NAV2: variants seen among roughly 807,000 people sequenced by gnomAD.
The protein encoded by NAV2 is neuron navigator 2, also known as helicase, APC down-regulated 1.
Under a neutral mutation model 223.2 loss-of-function variants are expected in NAV2, and 54 were observed. The observed-to-expected ratio is 0.24, with a 90% CI of 0.19 to 0.30. The LOEUF is 0.30. NAV2 is among the 10% of genes least tolerant of loss of function. The pLI is 1.00. For missense variants in NAV2, 2,806 were observed against 3,147.5 expected, an observed-to-expected ratio of 0.89 and a Z score of 2.60; for synonymous variants, 1,279 against 1,239.3, an observed-to-expected ratio of 1.03 and a Z score of -0.67.
chr11:19,591,408 G>C (rs1439178312), intron 1 of NAV2: 1 of 152,194 alleles, frequency 6.6e-6, no homozygotes, highest in East Asian at 1.9e-4. Context: ...ATTGCCCTTT[G>C]TGCAGTGTGC....
intron 10 of NAV2, among the ~76,000 whole-genome samples, chr11:19,967,492 T>C (rs1023577417): frequency 1.3e-5 from 2 of 152,172 alleles, no homozygotes; most frequent in Non-Finnish European, 2.9e-5. Flanking sequence ...TGGCTTGGCA[T>C]GGAAAGTACT....
At chr11:19,792,232 T>C (rs1294528510) in intron 1 of NAV2, among the ~76,000 whole-genome samples, 1 of 152,228 alleles carries the variant, frequency 6.6e-6, no homozygotes, top group Non-Finnish European at 1.5e-5. Flanking sequence ...TCTGTGCCAG[T>C]GACATTCCTT....
At chr11:19,967,807 G>A (rs1020647036) in intron 10 of NAV2, among the ~76,000 whole-genome samples, 12 of 152,158 alleles carry the variant, frequency 7.9e-5, no homozygotes, top group Non-Finnish European at 1.8e-4. Flanking sequence ...ATGATTCAGG[G>A]TATCCAGGTG....
intron 1 of NAV2, among the ~76,000 whole-genome samples, chr11:19,693,324 G>A (rs1438475607): frequency 6.6e-6 from 1 of 152,138 alleles, no homozygotes; most frequent in African/African-American, 2.4e-5. Context: ...AGGTTGGGGC[G>A]GCAACAGCTA....
chr11:19,568,671 C>T (rs1037966038), intron 1 of NAV2, among the ~76,000 whole-genome samples: 1 of 152,138 alleles, frequency 6.6e-6, no homozygotes, highest in African/African-American at 2.4e-5. Context: ...GTTCTTTAGT[C>T]CCCCATTGAA....
Position 19,998,407 on chromosome 11 carries a change from T to C in NAV2, c.2768+14160T>C, listed in dbSNP as rs1018737404. 2.0e-5 allele frequency among the ~76,000 whole-genome samples: 3 copies of C among 152,120 alleles called. No homozygotes were observed. The highest frequency in any genetic ancestry group is 4.4e-5 in the Non-Finnish European group (3 of 68,018). The stretch of plus-strand genomic sequence containing the variant: ...CAGGCCCACTGTACCCACCAGGGCC[T>C]TCATGCGGTACGTTCTCCACCCAGA... On this transcript the variant is annotated intron_variant, in intron 11 of 37. Coordinates refer to ENST00000349880, the MANE Select transcript of NAV2 (RefSeq NM_145117.5). The surrounding 1 kb of genome is among the most constrained non-coding windows in gnomAD (Gnocchi z 5.0).
chr11:20,022,954 C>A, intron 11 of NAV2: 1 of 1,314,400 alleles, frequency 7.6e-7, no homozygotes, highest in Non-Finnish European at 1.0e-6. Flanking sequence ...GAATGGTGAT[C>A]CCTGCTAGCT....
At chr11:19,969,118 T>C (rs972385510) in intron 10 of NAV2, among the ~76,000 whole-genome samples, 4 of 152,222 alleles carry the variant, frequency 2.6e-5, no homozygotes, top group African/African-American at 9.7e-5. Flanking sequence ...CCTATACATA[T>C]TGAAATTCTA....
intron 10 of NAV2, among the ~76,000 whole-genome samples, chr11:19,956,083 C>G (rs1318328225): frequency 6.6e-6 from 1 of 152,168 alleles, no homozygotes; most frequent in Non-Finnish European, 1.5e-5. Context: ...AGCCAGTGGG[C>G]TGGTCTCAGT....
chr11:19,347,785 A>G (rs1853085753), upstream of NAV2, among the ~76,000 whole-genome samples: 1 of 152,210 alleles, frequency 6.6e-6, no homozygotes, highest in Admixed American at 6.5e-5. Flanking sequence ...ATGTTCCCTG[A>G]GTCCTTTCTT....
At chr11:20,114,556 C>A in intron 36 of NAV2, 36 bp from the exon 37 acceptor site, 2 of 1,599,736 alleles carry the variant, frequency 1.3e-6, no homozygotes, top group South Asian at 1.1e-5. Flanking sequence ...GAGATCTGGG[C>A]CACTTCCAGA....
At chr11:19,629,332 G>C (rs1394256771) in intron 1 of NAV2, among the ~76,000 whole-genome samples, 4 of 152,018 alleles carry the variant, frequency 2.6e-5, no homozygotes, top group African/African-American at 9.7e-5. Context: ...GGGACCAAAG[G>C]GGCCCATTAG....
At chr11:19,432,626 G>C (rs1005086840) in intron 1 of NAV2, among the ~76,000 whole-genome samples, 39 of 152,272 alleles carry the variant, frequency 2.6e-4, no homozygotes, top group Non-Finnish European at 5.6e-4. Context: ...CGAGGCAGTG[G>C]GGGAGTGGGT....
intron 1 of NAV2, among the ~76,000 whole-genome samples, chr11:19,806,758 G>A (rs769209631): frequency 6.6e-6 from 1 of 152,130 alleles, no homozygotes; most frequent in Non-Finnish European, 1.5e-5. Context: ...CCTTTTTGGG[G>A]AACACTTAAG....
At chr11:19,794,435 C>A (rs2057759826) in intron 1 of NAV2, among the ~76,000 whole-genome samples, 1 of 152,204 alleles carries the variant, frequency 6.6e-6, no homozygotes, top group Non-Finnish European at 1.5e-5. Context: ...GAACCCAACT[C>A]ATATCTTACA....
At chr11:19,351,802 TAAAAAAAAAAAAA>T (rs56030401) in intron 1 of NAV2, among the ~76,000 whole-genome samples, 2 of 114,672 alleles carry the variant, frequency 1.7e-5, no homozygotes, top group Non-Finnish European at 1.7e-5. Flanking sequence ...TTGTGTATGG[TAAAAAAAAAAAAA>T]AAAAAAAAAA....
At chr11:19,771,267 C>T (rs2055697049) in intron 1 of NAV2, among the ~76,000 whole-genome samples, 1 of 152,142 alleles carries the variant, frequency 6.6e-6, no homozygotes, top group African/African-American at 2.4e-5. Context: ...CACCTCTCTC[C>T]TACTATAAGA....
chr11:19,466,148 T>C (rs1450438759), intron 1 of NAV2, among the ~76,000 whole-genome samples: 2 of 152,230 alleles, frequency 1.3e-5, no homozygotes, highest in Non-Finnish European at 2.9e-5. Context: ...TTTATAGCGA[T>C]GTGCCAGATG....
intron 1 of NAV2, among the ~76,000 whole-genome samples, chr11:19,811,555 C>T (rs753877729): frequency 2.0e-5 from 3 of 152,212 alleles, no homozygotes; most frequent in African/African-American, 4.8e-5. Context: ...GTTTCAAAAT[C>T]AGGAAGCAGA....
Sources: allele counts gnomAD v4.1 joint callset (sites outside exome capture counted in the v4.1 genomes callset), GRCh38; gene constraint gnomAD v4.1.1; non-coding constraint Gnocchi (gnomAD v3.1); transcripts MANE v1.5; gene names NCBI Gene and HGNC (gene_info 2026-07-23, HGNC 2026-07-21).